The following DCAF6 variants were observed in gnomAD, a reference collection of about 807,000 sequenced individuals.
DCAF6 encodes DDB1- and CUL4-associated factor 6.
A neutral mutation model predicts 125.1 loss-of-function variants in DCAF6; 54 were observed. The observed-to-expected ratio is 0.43, with a 90% CI of 0.35 to 0.54. The LOEUF is 0.54. Among genes scored for constraint, DCAF6 ranks in the 20% least tolerant of loss-of-function variants. DCAF6 has a pLI of 0.01. For synonymous variants in DCAF6, 371 were observed against 390.4 expected, an observed-to-expected ratio of 0.95 and a Z score of 0.58; for missense variants, 934 against 1,161.7, an observed-to-expected ratio of 0.80 and a Z score of 2.85.
chr1:167,878,282 T>C, the DCAF6 span, among the ~76,000 whole-genome samples: 25,040 of 152,106 alleles, frequency 0.16, 3,476 homozygotes, highest in African/African-American at 0.39. Context: ...GTCAGTCAGA[T>C]GGAGGAAAGA....
intron 11 of DCAF6, among the ~76,000 whole-genome samples, chr1:168,018,255 C>T (rs1685230768): frequency 6.6e-6 from 1 of 152,126 alleles, no homozygotes; most frequent in Admixed American, 6.5e-5. Context: ...GCTGATATTT[C>T]TTGGCAATTG....
chr1:167,900,538 G>GC, the DCAF6 span, among the ~76,000 whole-genome samples: 1 of 151,674 alleles, frequency 6.6e-6, no homozygotes, highest in Non-Finnish European at 1.5e-5. Flanking sequence ...ACTTATTTGG[G>GC]CTTTTTTTTT....
chr1:168,027,713 T>G (rs1036598843), intron 12 of DCAF6, among the ~76,000 whole-genome samples: 1 of 152,102 alleles, frequency 6.6e-6, no homozygotes, highest in Non-Finnish European at 1.5e-5. Context: ...TAAATTTTTT[T>G]AAAAATTTTA....
the DCAF6 span, among the ~76,000 whole-genome samples, chr1:167,895,049 G>A: frequency 2.6e-5 from 4 of 152,016 alleles, no homozygotes; most frequent in Admixed American, 2.6e-4. Flanking sequence ...GGGTGTGGTG[G>A]CACGCCTCTG....
At chr1:167,960,415 C>T (rs1675409409) in intron 2 of DCAF6, among the ~76,000 whole-genome samples, 1 of 152,142 alleles carries the variant, frequency 6.6e-6, no homozygotes, top group South Asian at 2.1e-4. Flanking sequence ...TCTCCTGCCT[C>T]AGACTCCCGA....
the DCAF6 span, among the ~76,000 whole-genome samples, chr1:167,908,769 T>C: frequency 1.3e-5 from 2 of 152,222 alleles, no homozygotes; most frequent in Non-Finnish European, 2.9e-5. Context: ...TTTTAATACA[T>C]CTTAATCAAC....
At chr1:167,867,268 T>G in the DCAF6 span, among the ~76,000 whole-genome samples, 1 of 152,090 alleles carries the variant, frequency 6.6e-6, no homozygotes, top group Non-Finnish European at 1.5e-5. Context: ...CTCTGCAAAG[T>G]GACTCAGAAA....
the DCAF6 span, chr1:167,924,329 A>T: frequency 4.0e-6 from 2 of 495,560 alleles, no homozygotes; most frequent in South Asian, 8.1e-5. Context: ...TAAAGTAGAT[A>T]GTTGCTTTAT....
chr1:168,053,864 G>C (rs10918816), intron 17 of DCAF6, among the ~76,000 whole-genome samples: 4,382 of 152,264 alleles, frequency 0.029, 215 homozygotes, highest in African/African-American at 0.1. Context: ...AATGTAACAT[G>C]CCAAAAGTCA....
At chr1:167,901,619 C>T in the DCAF6 span, 2 of 1,599,636 alleles carry the variant, frequency 1.3e-6, no homozygotes, top group Non-Finnish European at 1.7e-6. Flanking sequence ...AGTCAAGACC[C>T]TATCCCAGCT....
At chr1:167,909,430 A>T in the DCAF6 span, among the ~76,000 whole-genome samples, 13 of 152,312 alleles carry the variant, frequency 8.5e-5, no homozygotes, top group African/African-American at 3.1e-4. Flanking sequence ...GGGTATACAC[A>T]TGTTAAACTT....
chr1:167,918,338 A>G, the DCAF6 span: 1 of 1,568,186 alleles, frequency 6.4e-7, no homozygotes, highest in African/African-American at 1.4e-5. Flanking sequence ...TGTGTGCTTT[A>G]GCTTTTAGTT....
the DCAF6 span, chr1:167,919,965 T>A: frequency 6.3e-7 from 1 of 1,576,870 alleles, no homozygotes; most frequent in Non-Finnish European, 8.6e-7. Context: ...TAAAAATATC[T>A]CTGGTAGGCT....
intron 1 of DCAF6, among the ~76,000 whole-genome samples, chr1:167,948,035 CT>C (rs1446337291): frequency 6.6e-6 from 1 of 151,434 alleles, no homozygotes; most frequent in East Asian, 1.9e-4. Flanking sequence ...TGTTTTATGA[CT>C]CTTAGTACTC....
the DCAF6 span, among the ~76,000 whole-genome samples, chr1:167,922,287 A>G: frequency 3.9e-5 from 6 of 152,184 alleles, no homozygotes; most frequent in African/African-American, 1.4e-4. Context: ...GAAGGCATTT[A>G]TGAGTATATA....
chr1:167,870,860 C>G, the DCAF6 span, among the ~76,000 whole-genome samples: 1 of 150,680 alleles, frequency 6.6e-6, no homozygotes, highest in Admixed American at 6.6e-5. Context: ...AGACTTTCTT[C>G]AAGCCTTATG....
chr1:168,064,408 A>G (rs1033160529), intron 18 of DCAF6, among the ~76,000 whole-genome samples: 1 of 152,128 alleles, frequency 6.6e-6, no homozygotes, highest in Non-Finnish European at 1.5e-5. Flanking sequence ...TGTTCTCCTC[A>G]TATACATTGC....
the DCAF6 span, among the ~76,000 whole-genome samples, chr1:167,885,408 A>G: frequency 6.6e-6 from 1 of 152,184 alleles, no homozygotes; most frequent in African/African-American, 2.4e-5. Context: ...TCTCATTAAC[A>G]GTGTACAAGG....
chr1:167,924,020 A>C, the DCAF6 span, among the ~76,000 whole-genome samples: 1 of 152,270 alleles, frequency 6.6e-6, no homozygotes. Flanking sequence ...GAGTAAAAGC[A>C]CTGGGCTTGG....
Sources: gnomAD v4.1 joint callset for allele counts (sites outside exome capture counted in the v4.1 genomes callset) on GRCh38, gnomAD v4.1.1 for gene constraint, MANE v1.5 for transcripts, NCBI Gene and HGNC (gene_info 2026-07-23, HGNC 2026-07-21) for gene names.